Variants in PITPNC1 observed in about 807,000 individuals in gnomAD.
The protein encoded by PITPNC1 is cytoplasmic phosphatidylinositol transfer protein 1.
PITPNC1 carries 18 observed loss-of-function variants against 44.7 expected under a neutral mutation model. The observed-to-expected ratio is 0.40, with a 90% CI of 0.28 to 0.60. The LOEUF is 0.60. PITPNC1 is among the 20% of genes least tolerant of loss of function. The probability of loss-of-function intolerance (pLI) is 0.39; values close to 1 mark genes in which losing one functional copy is unlikely to be tolerated. For synonymous variants in PITPNC1, 141 were observed against 149.6 expected (o/e 0.94, Z 0.42); for missense variants, 290 against 418.4 (o/e 0.69, Z 2.68).
chr17:67,569,321 G>A (rs1160106187), intron 4 of PITPNC1, among the ~76,000 whole-genome samples: 1 of 152,184 alleles, frequency 6.6e-6, no homozygotes, highest in Non-Finnish European at 1.5e-5. Context: ...GTTCTGCCGT[G>A]CATTTTGCAT....
chr17:67,484,326 T>A (rs1057043983), intron 1 of PITPNC1, among the ~76,000 whole-genome samples: 48 of 152,190 alleles, frequency 3.2e-4, no homozygotes, highest in African/African-American at 1.1e-3. Flanking sequence ...CTAATTAGAT[T>A]TCTGTTAAGC....
chr17:67,666,710 G>A (rs577355040), intron 6 of PITPNC1, among the ~76,000 whole-genome samples: 6 of 152,296 alleles, frequency 3.9e-5, no homozygotes, highest in East Asian at 3.9e-4. Flanking sequence ...AAGGCCTGGC[G>A]TCAGCTGGCA....
At position 67,377,897 on chromosome 17, in the gene PITPNC1, C is replaced by CT. The variant is rs1295743158; in HGVS notation, c.-255dup. ...CGGGTCTCCCTCCCTGCCTCCCTGACTTTGCAACACCGCGTTCCGGGAGGA... is the reference window on the plus strand; with the variant it reads ...CGGGTCTCCCTCCCTGCCTCCCTGACTTTTGCAACACCGCGTTCCGGGAGGA... On this transcript the variant is annotated 5_prime_UTR_variant, in exon 1 of 9. Transcript: ENST00000581322. The CT allele has an allele frequency of 2.5e-6, 1 of 399,778 alleles. No homozygotes were observed. Among genetic ancestry groups the CT allele is most frequent in the East Asian group, 4.0e-5 (1 of 24,838 alleles). 24.8% of individuals were successfully genotyped at this position (399,778 alleles called of 1,614,324 possible).
At chr17:67,382,365 G>A (rs1225226967) in intron 1 of PITPNC1, among the ~76,000 whole-genome samples, 2 of 151,826 alleles carry the variant, frequency 1.3e-5, no homozygotes, top group African/African-American at 2.4e-5. Flanking sequence ...GTGTGTGTGT[G>A]TGTGTGTTTT....
At chr17:67,643,436 A>G (rs150598146) in intron 6 of PITPNC1, among the ~76,000 whole-genome samples, 44 of 152,286 alleles carry the variant, frequency 2.9e-4, no homozygotes, top group Admixed American at 9.2e-4. Context: ...ATCACCCTAT[A>G]TCCCAAAAGG....
At chr17:67,391,060 C>CGTGTGTGTGTGTGTGTGTGTGTGT (rs80236076) in intron 1 of PITPNC1, among the ~76,000 whole-genome samples, 8 of 146,798 alleles carry the variant, frequency 5.4e-5, no homozygotes, top group African/African-American at 2.0e-4. Flanking sequence ...ACTTTTTTAG[C>CGTGTGTGTGTGTGTGTGTGTGTGT]GTGTGTGTGT....
chr17:67,430,588 C>T lies in PITPNC1; in HGVS notation c.48+52386C>T, dbSNP rs564544051. Among the ~76,000 whole-genome samples, 319 of 151,870 alleles carry T rather than the reference C, an allele frequency of 2.1e-3. 2 individuals carry two copies. The highest frequency in any genetic ancestry group is 7.2e-3 in the African/African-American group (299 of 41,410). The stretch of plus-strand genomic sequence containing the variant: ...GGCAGAATGCTCTAGAGGGTGGAAG[C>T]GGGAGGATTGCTTGAGGTCAGGAGT... On this transcript the variant is annotated intron_variant, in intron 1 of 8. Transcript: ENST00000581322.
chr17:67,465,064 G>A (rs2039404731), intron 1 of PITPNC1, among the ~76,000 whole-genome samples: 1 of 152,224 alleles, frequency 6.6e-6, no homozygotes, highest in Non-Finnish European at 1.5e-5. Flanking sequence ...AATTGACTGT[G>A]CCCCAGAATC....
chr17:67,435,509 G>A (rs1045713574), intron 1 of PITPNC1, among the ~76,000 whole-genome samples: 2 of 152,218 alleles, frequency 1.3e-5, no homozygotes, highest in Non-Finnish European at 1.5e-5. Context: ...CCATGGGGCT[G>A]ACATTGTGCT....
At chr17:67,657,874 A>C (rs1335671443) in intron 6 of PITPNC1, among the ~76,000 whole-genome samples, 1 of 152,236 alleles carries the variant, frequency 6.6e-6, no homozygotes, top group East Asian at 1.9e-4. Flanking sequence ...TTGGAAATGC[A>C]ATCCACTGGT....
intron 5 of PITPNC1, among the ~76,000 whole-genome samples, chr17:67,591,763 G>A (rs549239011): frequency 1.1e-4 from 16 of 152,236 alleles, no homozygotes; most frequent in African/African-American, 3.6e-4. Flanking sequence ...AGGCTGGAGT[G>A]CAGTGGCACC....
At position 67,640,959 on chromosome 17, in the gene PITPNC1, C is replaced by T. The variant is rs553295545; in HGVS notation, c.462+8721C>T. On this transcript the variant is annotated intron_variant, in intron 6 of 8. Transcript: ENST00000581322. ...GAGCTGAGATCACACCATTGCAGTC[C>T]AGGCTGGGTGACAGGGCCAGACCCT... is the stretch of plus-strand genomic sequence containing the variant. Among the ~76,000 whole-genome samples, 3 of 152,034 alleles carry T rather than the reference C, an allele frequency of 2.0e-5. No individual in the cohort carries two copies. The East Asian group carries it at 5.8e-4, about 29-fold the overall frequency.
At chr17:67,487,956 A>G (rs947704047) in intron 1 of PITPNC1, among the ~76,000 whole-genome samples, 8 of 152,044 alleles carry the variant, frequency 5.3e-5, no homozygotes, top group Non-Finnish European at 1.2e-4. Flanking sequence ...AGAAGCTACG[A>G]TTTTTTCTTT....
At chr17:67,496,723 T>C (rs1187783410) in intron 1 of PITPNC1, among the ~76,000 whole-genome samples, 2 of 152,130 alleles carry the variant, frequency 1.3e-5, no homozygotes, top group Admixed American at 6.5e-5. Flanking sequence ...ACTAGTGTGA[T>C]CACAGAAGGT....
At chr17:67,413,813 G>A (rs573622378) in intron 1 of PITPNC1, among the ~76,000 whole-genome samples, 2 of 152,254 alleles carry the variant, frequency 1.3e-5, no homozygotes, top group African/African-American at 2.4e-5. Flanking sequence ...CATCCTAGAG[G>A]TTGTTAAGGA....
At chr17:67,487,705 G>A (rs1469644009) in intron 1 of PITPNC1, among the ~76,000 whole-genome samples, 1 of 152,138 alleles carries the variant, frequency 6.6e-6, no homozygotes, top group East Asian at 1.9e-4. Flanking sequence ...GCTTCATGGT[G>A]AATCATCAGG....
intron 1 of PITPNC1, among the ~76,000 whole-genome samples, chr17:67,413,007 T>C (rs1408782072): frequency 6.6e-6 from 1 of 152,258 alleles, no homozygotes; most frequent in Non-Finnish European, 1.5e-5. Context: ...TTCGGTGTTT[T>C]TGAGAATCTG....
chr17:67,513,301 C>T (rs1297048885), intron 1 of PITPNC1, among the ~76,000 whole-genome samples: 1 of 151,264 alleles, frequency 6.6e-6, no homozygotes, highest in Non-Finnish European at 1.5e-5. Context: ...GAGGCAAAAG[C>T]GAGCTGAGAT....
rs145989401 is a variant in PITPNC1 at position 67,558,405 on chromosome 17, A to G, written c.294+4788A>G. On this transcript the variant is annotated intron_variant, in intron 4 of 8. Coordinates refer to ENST00000581322, the MANE Select transcript of PITPNC1 (RefSeq NM_012417.4). The stretch of plus-strand genomic sequence containing the variant: ...TCTTCTGAAGTTGGTAAAGTCTGCA[A>G]AGAAAGGTGCCTGAGGAGACTGGCT... Among the ~76,000 whole-genome samples, 8 of 152,274 alleles carry G rather than the reference A, an allele frequency of 5.3e-5. No homozygotes were observed. In the East Asian group the frequency reaches 1.4e-3, roughly 26 times the overall value.
Sources: gnomAD v4.1 joint callset for allele counts (sites outside exome capture counted in the v4.1 genomes callset) on GRCh38, gnomAD v4.1.1 for gene constraint, MANE v1.5 for transcripts, NCBI Gene and HGNC (gene_info 2026-07-23, HGNC 2026-07-21) for gene names.